Variants in RAPGEF5 observed in about 807,000 individuals in gnomAD.
RAPGEF5 encodes the protein M-Ras-regulated GEF.
RAPGEF5 carries 65 observed loss-of-function variants against 125.2 expected under a neutral mutation model. The observed-to-expected ratio is 0.52, with a 90% CI of 0.43 to 0.64. The LOEUF is 0.64. RAPGEF5 is among the 30% of genes least tolerant of loss of function. The pLI is 0.00. For missense variants in RAPGEF5, 958 were observed against 1,048.1 expected, an observed-to-expected ratio of 0.91 and a Z score of 1.19; for synonymous variants, 391 against 385.9, an observed-to-expected ratio of 1.01 and a Z score of -0.16.
intron 21 of RAPGEF5, among the ~76,000 whole-genome samples, chr7:22,138,527 CT>C: frequency 6.6e-6 from 1 of 152,340 alleles, no homozygotes; most frequent in African/African-American, 2.4e-5. Context: ...GTGGTCACCT[CT>C]ACCTGAGATG....
chr7:22,343,731 G>A (rs544902212), intron 1 of RAPGEF5, among the ~76,000 whole-genome samples: 2 of 152,238 alleles, frequency 1.3e-5, no homozygotes, highest in East Asian at 3.9e-4. Flanking sequence ...TATGGGCAAA[G>A]GAACCAAAGG....
chr7:22,134,697 T>C (rs1456552567), intron 23 of RAPGEF5, among the ~76,000 whole-genome samples: 2 of 152,248 alleles, frequency 1.3e-5, no homozygotes, highest in Non-Finnish European at 1.5e-5. Context: ...TGTGTCTAAA[T>C]GATCCCAAGT....
chr7:22,272,244 T>C (rs1319661461), intron 6 of RAPGEF5, among the ~76,000 whole-genome samples: 5 of 145,480 alleles, frequency 3.4e-5, no homozygotes, highest in Non-Finnish European at 1.5e-5. Context: ...TCGGGAGGCC[T>C]AGGCAGGAGA....
chr7:22,341,276 C>T (rs1784124253), intron 1 of RAPGEF5, among the ~76,000 whole-genome samples: 1 of 152,172 alleles, frequency 6.6e-6, no homozygotes, highest in East Asian at 1.9e-4. Context: ...TCTCATGAGA[C>T]TTATTCACTA....
At chr7:22,270,989 C>G (rs1021007888) in intron 6 of RAPGEF5, among the ~76,000 whole-genome samples, 1 of 152,186 alleles carries the variant, frequency 6.6e-6, no homozygotes, top group African/African-American at 2.4e-5. Context: ...GAATAAGGGA[C>G]TGTAAACCTC....
At chr7:22,315,543 C>T in intron 2 of RAPGEF5, 67 bp from the exon 3 acceptor site, 2 of 772,008 alleles carry the variant, frequency 2.6e-6, no homozygotes, top group Non-Finnish European at 3.2e-6. Flanking sequence ...CTACCAATAG[C>T]ATACTATATA....
At chr7:22,301,569 C>T (rs940867335) in intron 5 of RAPGEF5, among the ~76,000 whole-genome samples, 1 of 140,236 alleles carries the variant, frequency 7.1e-6, no homozygotes, top group Non-Finnish European at 1.5e-5. Flanking sequence ...AAGCCGAGAT[C>T]GTGCCACTGC....
chr7:22,130,432 T>C (rs1334728492), intron 24 of RAPGEF5, among the ~76,000 whole-genome samples: 1 of 152,176 alleles, frequency 6.6e-6, no homozygotes, highest in Non-Finnish European at 1.5e-5. Flanking sequence ...CCTGGGAACC[T>C]CTTGCTTGTA....
chr7:22,164,929 G>A (rs1339752462), intron 12 of RAPGEF5, among the ~76,000 whole-genome samples: 1 of 152,034 alleles, frequency 6.6e-6, no homozygotes, highest in Admixed American at 6.6e-5. Context: ...TAAAACCACT[G>A]GAAAAAACAA....
rs56081120 is a variant in RAPGEF5 at position 22,349,092 on chromosome 7, G to GA, written c.231+7737dup. The stretch of plus-strand genomic sequence containing the variant: ...TGAAAGAGCAAGACTCTGCCTAAAA[G>GA]AAAAAAAAAAAAAAAAGCAATAAGA... On this transcript the variant is annotated intron_variant, in intron 1 of 25. Transcript: ENST00000665637. Among the ~76,000 whole-genome samples the GA allele has an allele frequency of 1.1e-3, 133 of 120,524 alleles. 1 individual carries two copies. The highest frequency in any genetic ancestry group is 8.9e-3 in the East Asian group (38 of 4,274). 79.1% of individuals were successfully genotyped at this position (120,524 alleles called of 152,430 possible).
At chr7:22,220,867 G>A (rs750641228) in intron 8 of RAPGEF5, among the ~76,000 whole-genome samples, 5 of 152,228 alleles carry the variant, frequency 3.3e-5, no homozygotes, top group Admixed American at 6.5e-5. Context: ...TATGGAATCC[G>A]TTTTCCTCAA....
intron 20 of RAPGEF5, among the ~76,000 whole-genome samples, chr7:22,140,809 A>AG (rs1562712057): frequency 6.6e-6 from 1 of 152,170 alleles, no homozygotes; most frequent in South Asian, 2.1e-4. Flanking sequence ...TTGGAATGGC[A>AG]GGGGGAGCTC....
intron 1 of RAPGEF5, among the ~76,000 whole-genome samples, chr7:22,343,744 T>A (rs1784171498): frequency 6.6e-6 from 1 of 152,172 alleles, no homozygotes; most frequent in Non-Finnish European, 1.5e-5. Context: ...ACCAAAGGTG[T>A]AATTATCCTA....
intron 8 of RAPGEF5, among the ~76,000 whole-genome samples, chr7:22,224,895 T>C (rs1004182568): frequency 1.3e-5 from 2 of 151,732 alleles, no homozygotes; most frequent in Admixed American, 6.6e-5. Context: ...CGAAATTAAA[T>C]AGAGGAAATT....
At position 22,145,127 on chromosome 7, in the gene RAPGEF5, A is replaced by G; in HGVS notation, c.2103T>C (p.Leu701=). The change falls in exon 20 of 26, where the codon CTT becomes CTC. Residue 701 remains leucine, a synonymous_variant. Transcript: ENST00000665637. The stretch of plus-strand genomic sequence containing the variant: ...AGAGCAGAATCTCCGTGGCCACCCA[A>G]AGCTGGACCTCATTGCATCTCTGGA... ...LLLQRCNEVQ[L]WVATEILLCS... is the part of the protein sequence containing the mutation. 1 of 1,613,854 alleles carries G rather than the reference A, an allele frequency of 6.2e-7. No individual in the cohort carries two copies. Among genetic ancestry groups the G allele is most frequent in the African/African-American group, 1.3e-5 (1 of 75,064 alleles).
At chr7:22,351,723 C>T (rs754203064) in intron 1 of RAPGEF5, among the ~76,000 whole-genome samples, 3 of 152,278 alleles carry the variant, frequency 2.0e-5, no homozygotes, top group Non-Finnish European at 4.4e-5. Context: ...AAATGACATG[C>T]TTTGCCTGTA....
chr7:22,345,432 T>C (rs986860760), intron 1 of RAPGEF5, among the ~76,000 whole-genome samples: 1 of 152,172 alleles, frequency 6.6e-6, no homozygotes, highest in African/African-American at 2.4e-5. Flanking sequence ...CTGAGCATCC[T>C]CTACATAACT....
At position 22,341,841 on chromosome 7, in the gene RAPGEF5, T is replaced by C. The variant is rs536768327; in HGVS notation, c.231+14989A>G. 2.0e-5 allele frequency among the ~76,000 whole-genome samples: 3 copies of C among 152,242 alleles called. No homozygotes were observed. The South Asian group carries it at 6.2e-4, about 32-fold the overall frequency. ...TTGCAGGGTATATTCCCCTCCAGGC[T>C]GCTTTCACAGGCTGGTGTTGAATGT... is the stretch of plus-strand genomic sequence containing the variant. On this transcript the variant is annotated intron_variant, in intron 1 of 25. Coordinates refer to ENST00000665637, the MANE Select transcript of RAPGEF5 (RefSeq NM_012294.5).
chr7:22,162,621 T>G, intron 12 of RAPGEF5, 80 bp from the exon 13 acceptor site: 1 of 1,319,246 alleles, frequency 7.6e-7, no homozygotes, highest in Non-Finnish European at 1.1e-6. Context: ...TTTTACAAAA[T>G]ATGTGAAGGC....
Sources: allele counts gnomAD v4.1 joint callset (sites outside exome capture counted in the v4.1 genomes callset), GRCh38; gene constraint gnomAD v4.1.1; transcripts MANE v1.5; gene names NCBI Gene and HGNC (gene_info 2026-07-23, HGNC 2026-07-21).